The following UTRN variants were observed in gnomAD, a reference collection of about 807,000 sequenced individuals.
UTRN encodes utrophin, also known as dystrophin-related protein 1.
UTRN carries 283 observed loss-of-function variants against 463.9 expected under a neutral mutation model. The observed-to-expected ratio is 0.61, with a 90% confidence interval of 0.55 to 0.67. The LOEUF (loss-of-function observed/expected upper bound fraction) is 0.67. Ranked by LOEUF, UTRN falls within the 30% of genes least tolerant of loss-of-function variation. UTRN has a pLI of 0.00. For synonymous variants in UTRN, 1,442 were observed against 1,431.5 expected (o/e 1.01, Z -0.17); for missense variants, 3,922 against 4,084.3 (o/e 0.96, Z 1.08).
At chr6:144,614,818 T>A (rs1562652376) in intron 51 of UTRN, among the ~76,000 whole-genome samples, 1 of 152,158 alleles carries the variant, frequency 6.6e-6, no homozygotes, top group Non-Finnish European at 1.5e-5. Context: ...AAATATAGGC[T>A]TTTTCTAAGT....
chr6:144,652,625 T>A (rs1778927039), intron 51 of UTRN, among the ~76,000 whole-genome samples: 1 of 152,228 alleles, frequency 6.6e-6, no homozygotes, highest in South Asian at 2.1e-4. Flanking sequence ...GACCGTAGTA[T>A]CACAGTATTA....
intron 66 of UTRN, among the ~76,000 whole-genome samples, chr6:144,824,604 A>C (rs1397445157): frequency 0.074 from 2,981 of 40,322 alleles, 188 homozygotes; most frequent in East Asian, 0.35. Context: ...ATATATATAT[A>C]TATATATATC....
chr6:144,749,235 T>A (rs1269749443), intron 55 of UTRN, among the ~76,000 whole-genome samples: 1 of 152,160 alleles, frequency 6.6e-6, no homozygotes, highest in Non-Finnish European at 1.5e-5. Flanking sequence ...TGGTTTAAAG[T>A]ATACCCCAAA....
intron 17 of UTRN, among the ~76,000 whole-genome samples, chr6:144,451,067 G>A (rs190299022): frequency 2.6e-5 from 4 of 152,168 alleles, no homozygotes; most frequent in Non-Finnish European, 4.4e-5. Flanking sequence ...AGCCGAGATC[G>A]TGCCATTGCA....
intron 48 of UTRN, among the ~76,000 whole-genome samples, chr6:144,552,066 G>A (rs993388774): frequency 6.6e-6 from 1 of 151,874 alleles, no homozygotes; most frequent in African/African-American, 2.4e-5. Context: ...GTGAATATCC[G>A]TCTTTCTGCC....
intron 35 of UTRN, 114 bp downstream of exon 35, chr6:144,511,237 G>C: frequency 9.8e-7 from 1 of 1,020,468 alleles, no homozygotes; most frequent in South Asian, 3.5e-5. Flanking sequence ...TCACAGTGAT[G>C]TTTTGCTTGT....
chr6:144,461,239 A>G lies in UTRN; in HGVS notation c.2750A>G (p.Lys917Arg), dbSNP rs781479895. ...GGACATGCATATCTGGAAACATTGA[A>G]AACACTGAAAGATGTGCTAAATGAT... ...QPGHAYLETL[K>R]TLKDVLNDSE... The change falls in exon 22 of 75, where the codon AAA becomes AGA. Residue 917 changes from lysine (K) to arginine (R), a missense_variant. This residue lies in a region of UTRN where 2,349 missense variants were observed against 2,303.8 expected (regional missense o/e 1.02). Coordinates refer to ENST00000367545, the MANE Select transcript of UTRN (RefSeq NM_007124.3). The G allele has an allele frequency of 1.2e-6, 2 of 1,608,628 alleles. No homozygotes were observed. Among genetic ancestry groups the G allele is most frequent in the Non-Finnish European group, 8.5e-7 (1 of 1,176,944 alleles).
chr6:144,450,493 A>G (rs368571154), intron 17 of UTRN, among the ~76,000 whole-genome samples: 40 of 152,286 alleles, frequency 2.6e-4, no homozygotes, highest in African/African-American at 8.9e-4. Context: ...CCATGCCCCA[A>G]TTGGATTAGA....
At chr6:144,716,823 G>T (rs1309947483) in intron 53 of UTRN, among the ~76,000 whole-genome samples, 3 of 152,056 alleles carry the variant, frequency 2.0e-5, no homozygotes, top group Admixed American at 2.0e-4. Flanking sequence ...TTGCTATGTG[G>T]TCATTATCAC....
chr6:144,850,011 C>A (rs943011971), intron 74 of UTRN, among the ~76,000 whole-genome samples: 2 of 152,212 alleles, frequency 1.3e-5, no homozygotes, highest in Admixed American at 6.5e-5. Context: ...GAGATATCTT[C>A]CACACCTGCT....
In UTRN at chr6:144,285,525, C is replaced by T. The variant is rs968579501; in HGVS notation, c.-389C>T. The stretch of plus-strand genomic sequence containing the variant: ...TGGCAAAGTTGGTGCCTGCGCGCCC[C>T]TTCCAGGTTTGCGCTTTGACTGTTT... On this transcript the variant is annotated 5_prime_UTR_variant, in exon 1 of 75. Coordinates refer to ENST00000367545, the MANE Select transcript of UTRN (RefSeq NM_007124.3). Among the ~76,000 whole-genome samples the T allele has an allele frequency of 2.0e-5, 3 of 152,246 alleles. No homozygotes were observed. The highest frequency in any genetic ancestry group is 4.4e-5 in the Non-Finnish European group (3 of 68,030).
At chr6:144,326,690 C>T (rs1775993650) in intron 2 of UTRN, among the ~76,000 whole-genome samples, 1 of 152,204 alleles carries the variant, frequency 6.6e-6, no homozygotes, top group African/African-American at 2.4e-5. Context: ...GGCTGATACA[C>T]CACTTTTAAT....
intron 54 of UTRN, among the ~76,000 whole-genome samples, chr6:144,740,769 T>C (rs1054210430): frequency 6.6e-6 from 1 of 152,228 alleles, no homozygotes; most frequent in Admixed American, 6.5e-5. Flanking sequence ...TGCTAACTCC[T>C]ACTGTAGTAA....
intron 19 of UTRN, 46 bp from the exon 20 acceptor site, chr6:144,458,724 A>C: frequency 6.6e-7 from 1 of 1,519,918 alleles, no homozygotes; most frequent in Non-Finnish European, 8.8e-7. Flanking sequence ...TTCAAGACAC[A>C]TTTTGTAATA....
chr6:144,521,319 A>G (rs1002619786), intron 39 of UTRN, among the ~76,000 whole-genome samples: 4 of 152,120 alleles, frequency 2.6e-5, no homozygotes, highest in Admixed American at 6.6e-5. Flanking sequence ...TGAAAAAGAA[A>G]GCTCTGAGAA....
At chr6:144,513,039 A>G (rs546603480) in intron 35 of UTRN, among the ~76,000 whole-genome samples, 1 of 152,278 alleles carries the variant, frequency 6.6e-6, no homozygotes, top group South Asian at 2.1e-4. Flanking sequence ...TTTCCCAGTC[A>G]TAATCTGCTT....
intron 51 of UTRN, among the ~76,000 whole-genome samples, chr6:144,591,907 T>C (rs912055943): frequency 1.3e-5 from 2 of 152,184 alleles, no homozygotes; most frequent in Non-Finnish European, 2.9e-5. Context: ...GGGGGAACTT[T>C]TTTAGTTGAA....
chr6:144,510,793 G>T, intron 34 of UTRN, 151 bp from the exon 35 acceptor site: 1 of 597,896 alleles, frequency 1.7e-6, no homozygotes, highest in Non-Finnish European at 2.5e-6. Context: ...TAATAAGTTT[G>T]GGAATTTTGT....
At chr6:144,581,712 T>G (rs188564454) in intron 51 of UTRN, among the ~76,000 whole-genome samples, 1 of 152,318 alleles carries the variant, frequency 6.6e-6, no homozygotes, top group Non-Finnish European at 1.5e-5. Context: ...TCACATACTG[T>G]ACAGTTCATT....
Sources: gnomAD v4.1 joint callset for allele counts (sites outside exome capture counted in the v4.1 genomes callset) on GRCh38, gnomAD v4.1.1 for gene constraint, gnomAD v4.1.1 regional missense constraint, MANE v1.5 for transcripts, NCBI Gene and HGNC (gene_info 2026-07-23, HGNC 2026-07-21) for gene names.